COL11A1: variants seen among roughly 807,000 people sequenced by gnomAD.
COL11A1 encodes collagen alpha-1(XI) chain.
A neutral mutation model predicts 265.2 loss-of-function variants in COL11A1; 74 were observed. The observed-to-expected ratio is 0.28, with a 90% CI of 0.23 to 0.34. The LOEUF is 0.34. Ranked by LOEUF, COL11A1 falls within the 10% of genes least tolerant of loss-of-function variation. The pLI, the probability that COL11A1 is intolerant of heterozygous loss-of-function variation, is 1.00. For synonymous variants in COL11A1, 816 were observed against 727.6 expected, an observed-to-expected ratio of 1.12 and a Z score of -1.96; for missense variants, 2,165 against 2,263.6, an observed-to-expected ratio of 0.96 and a Z score of 0.88.
At position 102,879,683 on chromosome 1, in the gene COL11A1, C is replaced by T. The variant is rs771530834; in HGVS notation, c.5274G>A (p.Ala1758=). The change falls in exon 66 of 67, where the codon GCG becomes GCA. Residue 1758 remains alanine, a splice_region_variant and synonymous_variant. Transcript: ENST00000370096. The part of the protein sequence containing the change: ...PFIKTLYDGC[A]SRKGYEKTVI... ...GGAGACAAGCAGAACTTATACTCAC[C>T]GCACAACCATCATACAGTGTTTTGA... The T allele has an allele frequency of 3.0e-5, 48 of 1,612,372 alleles. No homozygotes were observed. Among genetic ancestry groups the T allele is most frequent in the Middle Eastern group, 1.6e-4 (1 of 6,078 alleles).
At chr1:103,047,683 GT>G (rs1174587871) in intron 4 of COL11A1, among the ~76,000 whole-genome samples, 1 of 152,144 alleles carries the variant, frequency 6.6e-6, no homozygotes, top group African/African-American at 2.4e-5. Flanking sequence ...TCTTGTTCCA[GT>G]TTTCAAAGAG....
rs1386289354 is a variant in COL11A1, at chr1:102,930,704, T to C, written c.3600+3745A>G. Among the ~76,000 whole-genome samples, 33 of 152,306 alleles carry C rather than the reference T, an allele frequency of 2.2e-4. No homozygotes were observed. The East Asian group carries it at 5.6e-3, about 26-fold the overall frequency. Reference sequence around the variant, plus strand: ...CCTTGTACCTCTGGTAGAATTCGGCTGTGAATCCATCTGGTCCTGCACTCT... The same window carrying C: ...CCTTGTACCTCTGGTAGAATTCGGCCGTGAATCCATCTGGTCCTGCACTCT... On this transcript the variant is annotated intron_variant, in intron 46 of 66. Coordinates refer to ENST00000370096, the MANE Select transcript of COL11A1 (RefSeq NM_001854.4).
chr1:102,893,227 G>A (rs1557783023), intron 57 of COL11A1, among the ~76,000 whole-genome samples: 1 of 152,052 alleles, frequency 6.6e-6, no homozygotes, highest in Non-Finnish European at 1.5e-5. Flanking sequence ...GATTCTAATT[G>A]CTCAAGCTTA....
chr1:103,014,237 A>G lies in COL11A1; in HGVS notation c.1572+274T>C, dbSNP rs186289442. ...GTGTAAATATATCAATACTCTTGGG[A>G]AAAAAAAATAGAAATCTTGCGTGTT... On this transcript the variant is annotated intron_variant, in intron 13 of 66. Coordinates refer to ENST00000370096, the MANE Select transcript of COL11A1 (RefSeq NM_001854.4). Among the ~76,000 whole-genome samples the G allele has an allele frequency of 9.3e-4, 141 of 150,934 alleles. 1 individual carries two copies. The East Asian group carries it at 0.026, about 28-fold the overall frequency.
chr1:102,982,616 T>C (rs936722778), intron 31 of COL11A1, among the ~76,000 whole-genome samples: 11 of 152,114 alleles, frequency 7.2e-5, no homozygotes, highest in African/African-American at 2.7e-4. Context: ...ATTTAAATTA[T>C]GCCTGTATTA....
At chr1:102,913,401 A>T (rs1654926676) in intron 53 of COL11A1, among the ~76,000 whole-genome samples, 1 of 152,294 alleles carries the variant, frequency 6.6e-6, no homozygotes, top group African/African-American at 2.4e-5. Context: ...CAACCTTATT[A>T]GTATAATATG....
intron 4 of COL11A1, among the ~76,000 whole-genome samples, chr1:103,050,760 G>A (rs922166726): frequency 1.3e-5 from 2 of 152,116 alleles, no homozygotes; most frequent in African/African-American, 4.8e-5. Flanking sequence ...TGATGATGGT[G>A]ACGTACAGAT....
At chr1:102,939,867 C>T (rs1658541969) in intron 43 of COL11A1, among the ~76,000 whole-genome samples, 1 of 151,926 alleles carries the variant, frequency 6.6e-6, no homozygotes, top group Non-Finnish European at 1.5e-5. Context: ...ACATTTAACA[C>T]ACAGCCATAC....
chr1:102,999,481 C>T (rs1664919940), intron 24 of COL11A1, among the ~76,000 whole-genome samples: 1 of 151,644 alleles, frequency 6.6e-6, no homozygotes, highest in African/African-American at 2.4e-5. Flanking sequence ...TGCTACTAAG[C>T]AATTAATATA....
chr1:103,030,823 C>T (rs1307006020), intron 5 of COL11A1: 3 of 369,180 alleles, frequency 8.1e-6, no homozygotes, highest in South Asian at 4.6e-5. Flanking sequence ...GTCGAAATAT[C>T]GCTATTACAT....
At chr1:103,005,206 A>G (rs1665485584) in intron 18 of COL11A1, among the ~76,000 whole-genome samples, 2 of 151,984 alleles carry the variant, frequency 1.3e-5, no homozygotes, top group Admixed American at 6.6e-5. Flanking sequence ...TTCTTCTCCA[A>G]TTTACTTAAA....
chr1:103,050,636 G>T lies in COL11A1; in HGVS notation c.652-19392C>A, dbSNP rs182814084. Among the ~76,000 whole-genome samples, 619 of 152,168 alleles carry T rather than the reference G, an allele frequency of 4.1e-3. 4 individuals carry two copies. Among genetic ancestry groups the T allele is most frequent in the Non-Finnish European group, 7.0e-3 (479 of 68,014 alleles). ...ATTCTCCATCCAGCTTTTTTCCATT[G>T]CTGGTGAGGAGCTGTGTTCCTTTGG... On this transcript the variant is annotated intron_variant, in intron 4 of 66. Transcript: ENST00000370096.
rs141388059 is a variant in COL11A1, at chr1:103,001,711, G to C, written c.2142+214C>G. 79 of 599,610 alleles carry C rather than the reference G, an allele frequency of 1.3e-4. No individual in the cohort carries two copies. The African/African-American group carries it at 1.4e-3, about 11-fold the overall frequency. 37.1% of individuals were successfully genotyped at this position (599,610 alleles called of 1,614,324 possible). A position where few individuals can be genotyped will look rare whatever the true frequency, so the allele number is the denominator to read the frequency against. On this transcript the variant is annotated intron_variant, in intron 24 of 66. Transcript: ENST00000370096. ...GCTGAGAATGCCACATTTGGAAGCTGTTTAAATGGTAACTGAAGTTTTATC... is the reference window on the plus strand; with the variant it reads ...GCTGAGAATGCCACATTTGGAAGCTCTTTAAATGGTAACTGAAGTTTTATC...
chr1:103,082,165 T>C (rs1272711007), intron 2 of COL11A1, among the ~76,000 whole-genome samples: 1 of 151,974 alleles, frequency 6.6e-6, no homozygotes, highest in Non-Finnish European at 1.5e-5. Flanking sequence ...CAAGTACTTT[T>C]CAGTACCATT....
At position 102,920,332 on chromosome 1, in the gene COL11A1, T is replaced by C; in HGVS notation, c.3741A>G (p.Ser1247=). The part of the protein sequence containing the change: ...GPQGPPGSVG[S]VGGVGEKGEP... The stretch of plus-strand genomic sequence containing the variant: ...TTACCTTTTCTCCAACACCACCAAC[T>C]GAACCAACAGACCCTGGGGGTCCTT... The change falls in exon 49 of 67, where the codon TCA becomes TCG. Residue 1247 remains serine, a synonymous_variant. Transcript: ENST00000370096. The C allele has an allele frequency of 1.9e-6, 3 of 1,613,290 alleles. No individual in the cohort carries two copies. Among genetic ancestry groups the C allele is most frequent in the Non-Finnish European group, 2.5e-6 (3 of 1,179,366 alleles).
At chr1:102,948,325 G>A (rs1036891964) in intron 41 of COL11A1, among the ~76,000 whole-genome samples, 1 of 152,072 alleles carries the variant, frequency 6.6e-6, no homozygotes, top group East Asian at 1.9e-4. Flanking sequence ...GCTCAAAGAA[G>A]TTAACCGTCC....
At chr1:103,035,844 TAGG>T (rs1668326434) in intron 4 of COL11A1, among the ~76,000 whole-genome samples, 1 of 151,930 alleles carries the variant, frequency 6.6e-6, no homozygotes, top group Non-Finnish European at 1.5e-5. Flanking sequence ...TATTTTTAAG[TAGG>T]AGCATCTCTA....
intron 41 of COL11A1, among the ~76,000 whole-genome samples, chr1:102,948,335 C>T (rs574232204): frequency 6.6e-6 from 1 of 152,148 alleles, no homozygotes; most frequent in Non-Finnish European, 1.5e-5. Flanking sequence ...GTTAACCGTC[C>T]TTCCTGTAAT....
intron 44 of COL11A1, among the ~76,000 whole-genome samples, chr1:102,937,675 G>T (rs1312290578): frequency 1.3e-5 from 2 of 152,100 alleles, no homozygotes; most frequent in Non-Finnish European, 2.9e-5. Context: ...TTCAGGCCCG[G>T]TTCCCCTTTG....
Sources: gnomAD v4.1 joint callset for allele counts (sites outside exome capture counted in the v4.1 genomes callset) on GRCh38, gnomAD v4.1.1 for gene constraint, MANE v1.5 for transcripts, NCBI Gene and HGNC (gene_info 2026-07-23, HGNC 2026-07-21) for gene names.